The following CLASP1 variants were observed in gnomAD, a reference collection of about 807,000 sequenced individuals.
CLASP1 encodes CLIP-associating protein 1.
Under a neutral mutation model 192.3 loss-of-function variants are expected in CLASP1, and 38 were observed. The observed-to-expected ratio is 0.20, with a 90% CI of 0.15 to 0.26. CLASP1 has a LOEUF of 0.26. CLASP1 is among the 10% of genes least tolerant of loss of function. The pLI is 1.00. For missense variants in CLASP1, 1,433 were observed against 1,932.5 expected, an observed-to-expected ratio of 0.74 and a Z score of 4.85; for synonymous variants, 691 against 712.8, an observed-to-expected ratio of 0.97 and a Z score of 0.49.
At chr2:121,577,214 C>T (rs1383562683) in intron 2 of CLASP1, among the ~76,000 whole-genome samples, 4 of 149,114 alleles carry the variant, frequency 2.7e-5, no homozygotes, top group South Asian at 2.1e-4. Flanking sequence ...TTTACTCTTA[C>T]GTATCTTTAA....
intron 2 of CLASP1, chr2:121,530,938 T>G: frequency 1.4e-6 from 1 of 700,434 alleles, no homozygotes; most frequent in South Asian, 1.5e-5. Flanking sequence ...AGGGCAGTAC[T>G]GCTAACGCCT....
At chr2:121,421,886 G>A (rs1330683361) in intron 22 of CLASP1, among the ~76,000 whole-genome samples, 6 of 152,156 alleles carry the variant, frequency 3.9e-5, no homozygotes, top group African/African-American at 1.4e-4. Flanking sequence ...AATTAATTAG[G>A]TGATCAAAAC....
chr2:121,366,519 C>G (rs1475080251), intron 35 of CLASP1, among the ~76,000 whole-genome samples: 1 of 152,246 alleles, frequency 6.6e-6, no homozygotes, highest in Non-Finnish European at 1.5e-5. Context: ...CCGACTGGAT[C>G]TGGCATCTGC....
intron 6 of CLASP1, among the ~76,000 whole-genome samples, chr2:121,517,522 C>A (rs1485776558): frequency 6.6e-6 from 1 of 152,112 alleles, no homozygotes; most frequent in Non-Finnish European, 1.5e-5. Flanking sequence ...AATGATGAAG[C>A]CCTAACTCTC....
intron 8 of CLASP1, among the ~76,000 whole-genome samples, chr2:121,498,069 A>G (rs2093605740): frequency 6.6e-6 from 1 of 152,102 alleles, no homozygotes; most frequent in South Asian, 2.1e-4. Flanking sequence ...CGTGTTGCCC[A>G]GGCTGGTCTG....
chr2:121,479,371 C>T (rs1022757882), intron 8 of CLASP1, among the ~76,000 whole-genome samples: 4 of 152,096 alleles, frequency 2.6e-5, no homozygotes, highest in Admixed American at 6.5e-5. Context: ...AAAAATCCAT[C>T]GTATATTCTA....
At chr2:121,446,155 C>T (rs2084302309) in intron 19 of CLASP1, among the ~76,000 whole-genome samples, 1 of 152,180 alleles carries the variant, frequency 6.6e-6, no homozygotes, top group Admixed American at 6.5e-5. Context: ...AAAAACAAGA[C>T]TGACTGAGCA....
At chr2:121,633,028 A>ATATATATATATATATATATG (rs71398039) in intron 1 of CLASP1, among the ~76,000 whole-genome samples, 1,772 of 137,262 alleles carry the variant, frequency 0.013, 87 homozygotes, top group African/African-American at 0.032. Context: ...ATATATATAT[A>ATATATATATATATATATATG]GGCTTTTTTT....
At chr2:121,530,444 C>T (rs1197557560) in intron 2 of CLASP1, 119 bp from the exon 3 acceptor site, 1 of 677,752 alleles carries the variant, frequency 1.5e-6, no homozygotes, top group African/African-American at 1.8e-5. Flanking sequence ...AGTCCAGACG[C>T]ATGCCGACTG....
chr2:121,648,295 G>A (rs1237289418), intron 1 of CLASP1, among the ~76,000 whole-genome samples: 1 of 152,154 alleles, frequency 6.6e-6, no homozygotes, highest in African/African-American at 2.4e-5. Context: ...ACTATTTCTC[G>A]CTTCTGACTC....
intron 23 of CLASP1, among the ~76,000 whole-genome samples, 152 bp from the exon 25 acceptor site, chr2:121,411,121 G>C (rs1372413975): frequency 2.0e-5 from 3 of 152,228 alleles, no homozygotes; most frequent in Non-Finnish European, 4.4e-5. Flanking sequence ...ACCAGTGGTA[G>C]AGGTTAAGCT....
At chr2:121,535,346 A>T (rs2095035422) in intron 2 of CLASP1, among the ~76,000 whole-genome samples, 1 of 152,226 alleles carries the variant, frequency 6.6e-6, no homozygotes, top group Admixed American at 6.5e-5. Context: ...AAAACACATG[A>T]TTAAAGTTTT....
intron 23 of CLASP1, among the ~76,000 whole-genome samples, chr2:121,417,839 G>C (rs2078859076): frequency 6.6e-6 from 1 of 152,172 alleles, no homozygotes; most frequent in African/African-American, 2.4e-5. Context: ...GGCATGTATA[G>C]TTTTCAAAAG....
intron 2 of CLASP1, among the ~76,000 whole-genome samples, chr2:121,582,307 GAGAGAGAGAAAGAGAA>G (rs2061273164): frequency 6.6e-6 from 1 of 150,410 alleles, no homozygotes; most frequent in South Asian, 2.1e-4. Flanking sequence ...GAGAAAGGGA[GAGAGAGAGAAAGAGAA>G]AGGGAGAGAG....
At chr2:121,389,139 CTTTTT>C (rs1332437800) in intron 30 of CLASP1, among the ~76,000 whole-genome samples, 1 of 152,068 alleles carries the variant, frequency 6.6e-6, no homozygotes, top group Non-Finnish European at 1.5e-5. Flanking sequence ...TCAAAAGTTA[CTTTTT>C]TAACATTTTG....
In CLASP1 at chr2:121,645,971, G is replaced by A. The variant is rs78964432; in HGVS notation, c.-286+3401C>T. Among the ~76,000 whole-genome samples the A allele has an allele frequency of 7.0e-3, 1,068 of 152,288 alleles. 11 individuals are homozygous for A. The highest frequency in any genetic ancestry group is 0.024 in the African/African-American group (1,007 of 41,552). The stretch of plus-strand genomic sequence containing the variant: ...GTCATTTAGTCAAACACATATACCC[G>A]TACTTTGTTGATGATGCCCCGCTGG... On this transcript the variant is annotated intron_variant, in intron 1 of 39. Coordinates refer to ENST00000263710, the Ensembl canonical transcript of CLASP1.
chr2:121,640,221 G>A (rs1338449380), intron 1 of CLASP1, among the ~76,000 whole-genome samples: 1 of 151,996 alleles, frequency 6.6e-6, no homozygotes, highest in Admixed American at 6.6e-5. Context: ...GGTCTGCCAT[G>A]GGGTGGGGGG....
chr2:121,439,872 G>A (rs2082977218), intron 19 of CLASP1, among the ~76,000 whole-genome samples: 2 of 143,450 alleles, frequency 1.4e-5, no homozygotes, highest in South Asian at 4.5e-4. Flanking sequence ...CTCCTAGGTG[G>A]GAACTGAACA....
chr2:121,567,426 T>C (rs2059602638), intron 2 of CLASP1, among the ~76,000 whole-genome samples: 1 of 152,216 alleles, frequency 6.6e-6, no homozygotes, highest in African/African-American at 2.4e-5. Context: ...TATTTCCACC[T>C]GGAAAGTTTA....
Sources: allele counts gnomAD v4.1 joint callset (sites outside exome capture counted in the v4.1 genomes callset), GRCh38; gene constraint gnomAD v4.1.1; transcripts MANE v1.5; gene names NCBI Gene and HGNC (gene_info 2026-07-23, HGNC 2026-07-21).